CLRN1: variants seen among roughly 807,000 people sequenced by gnomAD.
CLRN1 encodes the protein clarin-1.
In CLRN1, 15 loss-of-function variants were observed where a neutral mutation model predicts 18.7. The ratio of observed to expected loss-of-function variants is 0.80; its 90% CI spans 0.54 to 1.23. CLRN1 has a LOEUF of 1.23. CLRN1 is among the 50% of genes most tolerant of loss of function. The probability of loss-of-function intolerance (pLI) is 0.00; values close to 1 mark genes in which losing one functional copy is unlikely to be tolerated. For missense variants in CLRN1, 311 were observed against 277.5 expected, an observed-to-expected ratio of 1.12 and a Z score of -0.86; for synonymous variants, 104 against 102.9, an observed-to-expected ratio of 1.01 and a Z score of -0.07.
At chr3:150,940,667 A>G (rs1713765290) in intron 2 of CLRN1, 2 of 664,544 alleles carry the variant, frequency 3.0e-6, no homozygotes, top group Non-Finnish European at 5.0e-6. Flanking sequence ...TCTTTTTGCA[A>G]AGTTAGAATG....
chr3:150,937,715 T>C (rs1713575056), intron 2 of CLRN1, among the ~76,000 whole-genome samples: 1 of 152,146 alleles, frequency 6.6e-6, no homozygotes, highest in South Asian at 2.1e-4. Flanking sequence ...ACATGGAGAA[T>C]GCTGAGGAAT....
rs569431564 is a variant in CLRN1, at chr3:150,963,233, A to G, written c.253+9223T>C. ...CGGCAAAGTCTCAGGATACAAAATC[A>G]ATGTGCAAAAATCACAAGCATTCCT... On this transcript the variant is annotated intron_variant, in intron 1 of 2. Transcript: ENST00000327047. Among the ~76,000 whole-genome samples the G allele has an allele frequency of 7.9e-5, 12 of 152,350 alleles. 1 individual carries two copies. In the South Asian group the frequency reaches 2.5e-3, roughly 32 times the overall value.
At position 150,941,627 on chromosome 3, in the gene CLRN1, T is replaced by A; in HGVS notation, c.388A>T (p.Thr130Ser). ...TACAGCCCTAGGGGACCATGCAGAG[T>A]TTCAAAAGGTTTTCCAAAAGCATTG... is the stretch of plus-strand genomic sequence containing the variant. ...MYNAFGKPFETLHGPLGLYLL... is the reference protein window; with the variant it reads ...MYNAFGKPFESLHGPLGLYLL... Residue 130 changes from threonine to serine, a missense_variant, in exon 2 of 3, where the codon ACT (threonine) becomes TCT (serine). Thr to Ser is a moderately conservative substitution (Grantham distance 58). Coordinates refer to ENST00000327047, the MANE Select transcript of CLRN1 (RefSeq NM_174878.3). 1 of 1,613,872 alleles carries A rather than the reference T, an allele frequency of 6.2e-7. No homozygotes were observed. Among genetic ancestry groups the A allele is most frequent in the Non-Finnish European group, 8.5e-7 (1 of 1,179,922 alleles).
chr3:150,951,171 G>A (rs1188763884), intron 1 of CLRN1, among the ~76,000 whole-genome samples: 1 of 152,014 alleles, frequency 6.6e-6, no homozygotes, highest in Non-Finnish European at 1.5e-5. Flanking sequence ...AGGGGGAGGA[G>A]CAGGAAAGAA....
intron 1 of CLRN1, among the ~76,000 whole-genome samples, chr3:150,945,976 G>A (rs1714145606): frequency 6.6e-6 from 1 of 152,164 alleles, no homozygotes; most frequent in South Asian, 2.1e-4. Context: ...GATATTCATT[G>A]CAGCATTTCT....
At chr3:150,939,133 A>G (rs558029455) in intron 2 of CLRN1, among the ~76,000 whole-genome samples, 55 of 152,254 alleles carry the variant, frequency 3.6e-4, no homozygotes, top group African/African-American at 1.3e-3. Context: ...AGACTCCCCA[A>G]ACTAGTTCTG....
chr3:150,932,820 G>A (rs1713234448), intron 2 of CLRN1, among the ~76,000 whole-genome samples: 2 of 152,242 alleles, frequency 1.3e-5, no homozygotes, highest in Admixed American at 6.5e-5. Flanking sequence ...AGAGGGACAA[G>A]TGAAGTGAGT....
intron 2 of CLRN1, chr3:150,940,576 G>A (rs1008935899): frequency 8.7e-6 from 13 of 1,491,842 alleles, no homozygotes; most frequent in African/African-American, 5.5e-5. Context: ...TTTGCTTTGT[G>A]TGAGTTGTTA....
At chr3:150,942,660 A>G (rs1416197236) in intron 1 of CLRN1, 4 of 430,868 alleles carry the variant, frequency 9.3e-6, no homozygotes, top group Non-Finnish European at 1.4e-5. Context: ...AAGACAGACC[A>G]TTAGAAAGCA....
intron 2 of CLRN1, chr3:150,940,335 A>G: frequency 3.3e-6 from 2 of 609,574 alleles, no homozygotes; most frequent in South Asian, 5.8e-5. Context: ...AGCAGTGTGC[A>G]CAAGTAACAA....
At chr3:150,963,593 G>C (rs1715130202) in intron 1 of CLRN1, among the ~76,000 whole-genome samples, 1 of 152,122 alleles carries the variant, frequency 6.6e-6, no homozygotes, top group South Asian at 2.1e-4. Flanking sequence ...CCAAAAAAGA[G>C]CCTGAATAGT....
intron 1 of CLRN1, among the ~76,000 whole-genome samples, chr3:150,952,126 T>A (rs1430134060): frequency 6.6e-6 from 1 of 152,210 alleles, no homozygotes; most frequent in African/African-American, 2.4e-5. Flanking sequence ...CATAGCAGTC[T>A]TACACTTCCG....
intron 2 of CLRN1, among the ~76,000 whole-genome samples, chr3:150,935,288 T>G (rs1293977520): frequency 1.1e-5 from 1 of 94,752 alleles, no homozygotes; most frequent in Non-Finnish European, 2.2e-5. Context: ...ATGCTATCCC[T>G]CCCCCCTCTT....
chr3:150,953,401 A>G (rs142501695), intron 1 of CLRN1, among the ~76,000 whole-genome samples: 45 of 152,230 alleles, frequency 3.0e-4, no homozygotes, highest in African/African-American at 9.1e-4. Context: ...GTCTCCTCAT[A>G]CTTAAACCAT....
chr3:150,968,508 C>A (rs1487020403), intron 1 of CLRN1, among the ~76,000 whole-genome samples: 1 of 152,094 alleles, frequency 6.6e-6, no homozygotes, highest in Non-Finnish European at 1.5e-5. Context: ...GTTTTCCCAG[C>A]GTAACTGGGC....
At chr3:150,953,727 A>G (rs2107970788) in intron 1 of CLRN1, among the ~76,000 whole-genome samples, 1 of 152,274 alleles carries the variant, frequency 6.6e-6, no homozygotes, top group African/African-American at 2.4e-5. Context: ...CATGTTGACC[A>G]GGCTAGTCTT....
At chr3:150,933,413 G>A (rs761591949) in intron 2 of CLRN1, among the ~76,000 whole-genome samples, 7 of 152,124 alleles carry the variant, frequency 4.6e-5, no homozygotes, top group Non-Finnish European at 7.4e-5. Context: ...AGGCCTCATA[G>A]GGAATATAAC....
intron 2 of CLRN1, among the ~76,000 whole-genome samples, chr3:150,940,752 C>G (rs1713770061): frequency 6.6e-6 from 1 of 152,160 alleles, no homozygotes; most frequent in Non-Finnish European, 1.5e-5. Context: ...TCGTCTTTCT[C>G]CTTCTCCCAC....
At chr3:150,948,438 C>T (rs1466272081) in intron 1 of CLRN1, among the ~76,000 whole-genome samples, 24 of 130,598 alleles carry the variant, frequency 1.8e-4, no homozygotes, top group African/African-American at 6.7e-4. Flanking sequence ...GAGCCGAGAT[C>T]GCGCCACTGC....
Sources: allele counts gnomAD v4.1 joint callset (sites outside exome capture counted in the v4.1 genomes callset), GRCh38; gene constraint gnomAD v4.1.1; transcripts MANE v1.5; gene names NCBI Gene and HGNC (gene_info 2026-07-23, HGNC 2026-07-21).